EYA2: variants seen among roughly 807,000 people sequenced by gnomAD.
The protein encoded by EYA2 is protein phosphatase EYA2.
EYA2 carries 31 observed loss-of-function variants against 69.2 expected under a neutral mutation model. The observed-to-expected ratio is 0.45, with a 90% CI of 0.34 to 0.60. EYA2 has a LOEUF of 0.60. Among genes scored for constraint, EYA2 ranks in the 20% least tolerant of loss-of-function variants. The pLI is 0.02. For missense variants in EYA2, 622 were observed against 701.2 expected, an observed-to-expected ratio of 0.89 and a Z score of 1.28; for synonymous variants, 257 against 279.4, an observed-to-expected ratio of 0.92 and a Z score of 0.80.
chr20:47,168,060 C>T (rs982230442), intron 10 of EYA2, among the ~76,000 whole-genome samples: 1 of 152,196 alleles, frequency 6.6e-6, no homozygotes, highest in African/African-American at 2.4e-5. Flanking sequence ...TGCCAGCCAA[C>T]GTCCCCGGGC....
intron 10 of EYA2, among the ~76,000 whole-genome samples, chr20:47,167,911 G>A (rs1246635876): frequency 6.6e-6 from 1 of 152,162 alleles, no homozygotes; most frequent in Admixed American, 6.5e-5. Flanking sequence ...CTCAGCTTCA[G>A]TCCTGACTGG....
At chr20:46,996,882 C>T (rs186971863) in intron 2 of EYA2, among the ~76,000 whole-genome samples, 3 of 150,268 alleles carry the variant, frequency 2.0e-5, no homozygotes, top group African/African-American at 2.5e-5. Flanking sequence ...GTGGCAAGTG[C>T]GAAACTCGGT....
At chr20:47,060,904 G>A (rs1360208799) in intron 5 of EYA2, among the ~76,000 whole-genome samples, 1 of 145,604 alleles carries the variant, frequency 6.9e-6, no homozygotes, top group Non-Finnish European at 1.5e-5. Context: ...TGCCCAGGCT[G>A]GAGTGCAATG....
At position 47,084,834 on chromosome 20, in the gene EYA2, CTTTTTTTT is replaced by C. The variant is rs34290555; in HGVS notation, c.662-4393_662-4386del. On this transcript the variant is annotated intron_variant, in intron 7 of 15. Coordinates refer to ENST00000327619, the MANE Select transcript of EYA2 (RefSeq NM_005244.5). ...TGGAAAATAATTCATCTGTTTCTTT[CTTTTTTTT>C]TTTTTTTTTTTGAGACAGGTTCTCA... 2.7e-5 allele frequency among the ~76,000 whole-genome samples: 3 copies of C among 112,456 alleles called. No individual in the cohort carries two copies. The Admixed American group carries it at 2.8e-4, about 10-fold the overall frequency. 73.8% of individuals were successfully genotyped at this position (112,456 alleles called of 152,430 possible). A position where few individuals can be genotyped will look rare whatever the true frequency, so the allele number is the denominator to read the frequency against.
At chr20:46,899,315 G>C (rs62201190) in intron 1 of EYA2, among the ~76,000 whole-genome samples, 17,401 of 152,256 alleles carry the variant, frequency 0.11, 1,264 homozygotes, top group Non-Finnish European at 0.16. Flanking sequence ...AACCTGCCCT[G>C]ACGTTTTTTG....
In EYA2 at chr20:47,013,966, G is replaced by A. The variant is rs545174253; in HGVS notation, c.299-2215G>A. ...AGGAACCTTGACTTCAGAGTTATCCGCCAATTGCTAGACCCCAGTCCAATG... is the reference window on the plus strand; with the variant it reads ...AGGAACCTTGACTTCAGAGTTATCCACCAATTGCTAGACCCCAGTCCAATG... On this transcript the variant is annotated intron_variant, in intron 4 of 15. Coordinates refer to ENST00000327619, the MANE Select transcript of EYA2 (RefSeq NM_005244.5). Among the ~76,000 whole-genome samples, 20 of 152,210 alleles carry A rather than the reference G, an allele frequency of 1.3e-4. No homozygotes were observed. In the East Asian group the frequency reaches 2.1e-3, roughly 16 times the overall value.
At chr20:46,940,762 G>C (rs1402305650) in intron 1 of EYA2, among the ~76,000 whole-genome samples, 2 of 152,168 alleles carry the variant, frequency 1.3e-5, no homozygotes, top group African/African-American at 2.4e-5. Flanking sequence ...TGGTGGCATC[G>C]GGGGCTATGG....
chr20:46,906,298 A>C (rs550569436), intron 1 of EYA2, among the ~76,000 whole-genome samples: 7 of 152,366 alleles, frequency 4.6e-5, no homozygotes, highest in Non-Finnish European at 8.8e-5. Flanking sequence ...TATTCATTTA[A>C]AATAAAACAT....
intron 5 of EYA2, 87 bp from the exon 6 acceptor site, chr20:47,072,098 A>G: frequency 1.7e-6 from 2 of 1,195,602 alleles, no homozygotes; most frequent in South Asian, 2.4e-5. Context: ...AGCCACATGG[A>G]GGGAGGTTCA....
At chr20:47,038,423 T>A (rs6066177) in intron 5 of EYA2, among the ~76,000 whole-genome samples, 1 of 152,096 alleles carries the variant, frequency 6.6e-6, no homozygotes, top group African/African-American at 2.4e-5. Flanking sequence ...CCCAGGAGAT[T>A]GAGGCTGCAA....
At chr20:47,071,610 AATT>A (rs2031316859) in intron 5 of EYA2, among the ~76,000 whole-genome samples, 1 of 152,104 alleles carries the variant, frequency 6.6e-6, no homozygotes, top group Non-Finnish European at 1.5e-5. Flanking sequence ...TTAAAAACAT[AATT>A]ATTAAGGACC....
intron 1 of EYA2, among the ~76,000 whole-genome samples, chr20:46,935,379 G>A (rs1270162910): frequency 6.6e-6 from 1 of 152,208 alleles, no homozygotes; most frequent in East Asian, 1.9e-4. Context: ...ATGACTTTGT[G>A]CTGGCACCTA....
intron 1 of EYA2, among the ~76,000 whole-genome samples, chr20:46,977,125 C>G (rs1445549412): frequency 6.6e-6 from 1 of 152,196 alleles, no homozygotes; most frequent in Non-Finnish European, 1.5e-5. Context: ...ACAACACATT[C>G]ACAAAACACA....
intron 9 of EYA2, among the ~76,000 whole-genome samples, chr20:47,107,775 GTAGGAA>G (rs1238947685): frequency 6.8e-6 from 1 of 148,082 alleles, no homozygotes; most frequent in African/African-American, 2.6e-5. Flanking sequence ...GAAAGAAGAA[GTAGGAA>G]GAGGAAGAGG....
chr20:47,166,857 T>C (rs2034208350), intron 10 of EYA2: 1 of 152,394 alleles, frequency 6.6e-6, no homozygotes, highest in Admixed American at 6.6e-5. Flanking sequence ...TGGGAAGCGG[T>C]TGGATCCAGG....
intron 1 of EYA2, among the ~76,000 whole-genome samples, chr20:46,968,089 C>G (rs1302601607): frequency 6.6e-6 from 1 of 152,212 alleles, no homozygotes; most frequent in Non-Finnish European, 1.5e-5. Flanking sequence ...AATGGAGCCT[C>G]TTTTCCCACT....
At chr20:47,182,210 T>G (rs9789793) in intron 14 of EYA2, among the ~76,000 whole-genome samples, 1 of 151,368 alleles carries the variant, frequency 6.6e-6, no homozygotes, top group Admixed American at 6.6e-5. Context: ...AGACGGGGTT[T>G]CACCTTGTTG....
chr20:47,044,490 AT>A (rs1238230192), intron 5 of EYA2, among the ~76,000 whole-genome samples: 19 of 152,040 alleles, frequency 1.2e-4, no homozygotes, highest in African/African-American at 4.6e-4. Flanking sequence ...GAGAAACGCT[AT>A]GAATGAGGAA....
intron 9 of EYA2, among the ~76,000 whole-genome samples, chr20:47,123,194 A>G (rs2033097002): frequency 6.6e-6 from 1 of 152,126 alleles, no homozygotes; most frequent in South Asian, 2.1e-4. Context: ...ATAATTGTAC[A>G]CATTCATGGG....
Sources: gnomAD v4.1 joint callset for allele counts (sites outside exome capture counted in the v4.1 genomes callset) on GRCh38, gnomAD v4.1.1 for gene constraint, MANE v1.5 for transcripts, NCBI Gene and HGNC (gene_info 2026-07-23, HGNC 2026-07-21) for gene names.